Variants in ANO4 observed in about 807,000 individuals in gnomAD.
The protein encoded by ANO4 is anoctamin 4.
A neutral mutation model predicts 141.9 loss-of-function variants in ANO4; 69 were observed. The observed-to-expected ratio is 0.49, with a 90% confidence interval of 0.40 to 0.59. The LOEUF (loss-of-function observed/expected upper bound fraction) is 0.59. ANO4 is among the 20% of genes least tolerant of loss of function. The pLI, the probability that ANO4 is intolerant of heterozygous loss-of-function variation, is 0.00. For missense variants in ANO4, 894 were observed against 1,162.2 expected, an observed-to-expected ratio of 0.77 and a Z score of 3.36; for synonymous variants, 350 against 394.3, an observed-to-expected ratio of 0.89 and a Z score of 1.33.
chr12:101,098,094 A>C (rs1241399737), intron 21 of ANO4, 149 bp downstream of exon 21: 44 of 670,626 alleles, frequency 6.6e-5, no homozygotes, highest in Non-Finnish European at 5.9e-5. Context: ...ATCCAAAGGC[A>C]GCCATGAAAA....
intron 3 of ANO4, among the ~76,000 whole-genome samples, chr12:100,771,639 G>A (rs761802060): frequency 6.6e-6 from 1 of 152,162 alleles, no homozygotes; most frequent in Non-Finnish European, 1.5e-5. Flanking sequence ...AGAGGGGAAG[G>A]GATAGGAGTG....
chr12:101,002,014 C>G (rs11110623), intron 8 of ANO4, among the ~76,000 whole-genome samples: 14,014 of 152,142 alleles, frequency 0.092, 757 homozygotes, highest in Middle Eastern at 0.17. Flanking sequence ...GTTGACCAAC[C>G]TTGACGCTCC....
chr12:100,979,339 C>T (rs756663663), intron 7 of ANO4, among the ~76,000 whole-genome samples: 16 of 152,202 alleles, frequency 1.1e-4, no homozygotes, highest in Non-Finnish European at 2.1e-4. Context: ...GATCACTGGG[C>T]GCATCCCCAG....
intron 15 of ANO4, among the ~76,000 whole-genome samples, chr12:101,080,883 T>TATTATATATATATATA (rs1491584060): frequency 2.7e-5 from 2 of 74,070 alleles, no homozygotes; most frequent in South Asian, 6.4e-4. Flanking sequence ...TATATATATA[T>TATTATATATATATATA]TATATATATA....
At chr12:101,043,436 C>T (rs1055606380) in intron 12 of ANO4, 103 bp from the exon 13 acceptor site, 29 of 797,480 alleles carry the variant, frequency 3.6e-5, no homozygotes, top group Non-Finnish European at 5.7e-5. Flanking sequence ...TAAGGGCAAA[C>T]ATTTAACCTA....
chr12:101,047,904 A>G (rs1331647600), intron 13 of ANO4: 15 of 700,196 alleles, frequency 2.1e-5, no homozygotes, highest in Non-Finnish European at 2.3e-5. Flanking sequence ...AAAACTGCAT[A>G]AACAAAATAG....
chr12:101,064,702 T>A (rs992900082), intron 14 of ANO4, among the ~76,000 whole-genome samples: 1 of 142,960 alleles, frequency 7.0e-6, no homozygotes, highest in Non-Finnish European at 1.5e-5. Context: ...TAATAAAAGA[T>A]TAGTAGTTCC....
chr12:100,737,242 G>A (rs2031655631), intron 2 of ANO4, among the ~76,000 whole-genome samples: 1 of 152,134 alleles, frequency 6.6e-6, no homozygotes, highest in African/African-American at 2.4e-5. Flanking sequence ...CTTCTCCCCT[G>A]TGCCTTCCTC....
Position 101,079,237 on chromosome 12 carries a change from G to C in ANO4, c.1357G>C (p.Ala453Pro). The C allele has an allele frequency of 6.2e-7, 1 of 1,613,940 alleles. No homozygotes were observed. Among genetic ancestry groups the C allele is most frequent in the Non-Finnish European group, 8.5e-7 (1 of 1,179,918 alleles). ...EFWKRRRAVI[A>P]YDWDLIDWEE... Reference sequence around the variant, plus strand: ...TTGGAAAAGACGGCGAGCAGTAATTGCTTATGACTGGGATTTGATAGACTG... The same window carrying C: ...TTGGAAAAGACGGCGAGCAGTAATTCCTTATGACTGGGATTTGATAGACTG... The change falls in exon 15 of 28, where the codon GCT becomes CCT. Residue 453 changes from alanine to proline, a missense_variant. Around this residue, in one of 2 missense-constraint regions of ANO4, gnomAD observed 637 missense variants for 909.2 expected, o/e 0.70. Transcript: ENST00000392977.
intron 3 of ANO4, among the ~76,000 whole-genome samples, chr12:100,788,848 T>C (rs2033953911): frequency 6.7e-6 from 1 of 150,154 alleles, no homozygotes; most frequent in South Asian, 2.1e-4. Context: ...TGGTTACAGA[T>C]AGAGATAAAT....
At position 100,989,621 on chromosome 12, in the gene ANO4, A is replaced by G. The variant is rs113782825; in HGVS notation, c.734+1951A>G. On this transcript the variant is annotated intron_variant, in intron 8 of 27. Coordinates refer to ENST00000392977, the MANE Select transcript of ANO4 (RefSeq NM_001286615.2). ...TGGATAGGTCACTGGATGGATGGATAGATGGATGGATGGATGGATGGATGG... is the reference window on the plus strand; with the variant it reads ...TGGATAGGTCACTGGATGGATGGATGGATGGATGGATGGATGGATGGATGG... Among the ~76,000 whole-genome samples the G allele has an allele frequency of 2.1e-3, 213 of 103,224 alleles. 2 individuals are homozygous for G. The highest frequency in any genetic ancestry group is 3.4e-3 in the African/African-American group (100 of 29,524). The allele number at this position is 103,224 out of a possible 152,430, so 67.7% of individuals were successfully genotyped here. A position where few individuals can be genotyped will look rare whatever the true frequency, so the allele number is the denominator to read the frequency against.
At position 101,126,867 on chromosome 12, in the gene ANO4, C is replaced by CGT; in HGVS notation, c.2677-12_2677-11insGT. On this transcript the variant is annotated splice_polypyrimidine_tract_variant and intron_variant, in intron 26 of 27. Transcript: ENST00000392977. ...AGTAGACCTGACGCTGTTACATTCTCCTCTGTTTTAGCACCTCGTGTTTTG... is the reference window on the plus strand; with the variant it reads ...AGTAGACCTGACGCTGTTACATTCTCGTCTCTGTTTTAGCACCTCGTGTTTTG... 2 of 1,518,886 alleles carry CGT rather than the reference C, an allele frequency of 1.3e-6. No homozygotes were observed. The highest frequency in any genetic ancestry group is 8.8e-7 in the Non-Finnish European group (1 of 1,130,772). The allele number at this position is 1,518,886 out of a possible 1,614,324, so 94.1% of individuals were successfully genotyped here. A position where few individuals can be genotyped will look rare whatever the true frequency, so the allele number is the denominator to read the frequency against.
At chr12:100,873,513 T>G (rs2039136333) in intron 1 of ANO4, among the ~76,000 whole-genome samples, 1 of 152,194 alleles carries the variant, frequency 6.6e-6, no homozygotes. Context: ...GCCCCTGCCC[T>G]AGAGATCTGT....
intron 3 of ANO4, among the ~76,000 whole-genome samples, chr12:100,928,766 A>G (rs1203265310): frequency 6.6e-6 from 1 of 152,150 alleles, no homozygotes; most frequent in Non-Finnish European, 1.5e-5. Flanking sequence ...TTGCCTTTTT[A>G]TAGAAGTAAC....
At chr12:101,055,590 G>T (rs10778099) in intron 14 of ANO4, among the ~76,000 whole-genome samples, 71,503 of 151,918 alleles carry the variant, frequency 0.47, 18,397 homozygotes, top group African/African-American at 0.7. Flanking sequence ...TCATCTTACA[G>T]GTGTTTGCAA....
rs2046959116 is a variant in ANO4 at position 101,031,165 on chromosome 12, A to C, written c.842-5930A>C. Among the ~76,000 whole-genome samples, 4 of 152,360 alleles carry C rather than the reference A, an allele frequency of 2.6e-5. No homozygotes were observed. The South Asian group carries it at 8.3e-4, about 32-fold the overall frequency. On this transcript the variant is annotated intron_variant, in intron 9 of 27. Transcript: ENST00000392977. Reference sequence around the variant, plus strand: ...AATTTCAGGCCAATATTCCTGATGAATATCGATGCGAAAATCCTCAATAAA... The same window carrying C: ...AATTTCAGGCCAATATTCCTGATGACTATCGATGCGAAAATCCTCAATAAA...
chr12:101,040,032 C>G lies in ANO4; in HGVS notation c.975C>G (p.Ala325=), dbSNP rs1183568060. 6.2e-7 allele frequency: 1 copy of G among 1,613,186 alleles called. No homozygotes were observed. The highest frequency in any genetic ancestry group is 2.2e-5 in the East Asian group (1 of 44,864). The change falls in exon 11 of 28, where the codon GCC becomes GCG. Residue 325 remains alanine, a synonymous_variant. Coordinates refer to ENST00000392977, the MANE Select transcript of ANO4 (RefSeq NM_001286615.2). ...NHRHLLYECW[A]SWGVWYKYQP... ...GACATCTACTCTATGAGTGCTGGGC[C>G]TCCTGGGGCGTGTGGTATAAATACC...
chr12:100,926,035 A>C (rs1566018431), intron 3 of ANO4, among the ~76,000 whole-genome samples: 1 of 151,998 alleles, frequency 6.6e-6, no homozygotes, highest in Non-Finnish European at 1.5e-5. Context: ...TCTCCATTTT[A>C]AAGGTGAAAA....
Position 100,767,097 on chromosome 12 carries a change from A to G in ANO4, c.358+26992A>G, listed in dbSNP as rs560138701. Among the ~76,000 whole-genome samples the G allele has an allele frequency of 3.5e-4, 53 of 152,308 alleles. 1 individual carries two copies. The South Asian group carries it at 0.011, about 31-fold the overall frequency. ...TCAGCTTATGTGTGTCCTTAAAGCT[A>G]AAGTGAGTCTCTTGTAGGCAGCATA... On this transcript the variant is annotated intron_variant, in intron 3 of 29. Coordinates refer to the ANO4 transcript ENST00000644049.
Sources: allele counts gnomAD v4.1 joint callset (sites outside exome capture counted in the v4.1 genomes callset), GRCh38; gene constraint gnomAD v4.1.1; regional missense constraint gnomAD v4.1.1; transcripts MANE v1.5; gene names NCBI Gene and HGNC (gene_info 2026-07-23, HGNC 2026-07-21).